PLCE1: variants seen among roughly 807,000 people sequenced by gnomAD.
PLCE1 encodes 1-phosphatidylinositol 4,5-bisphosphate phosphodiesterase epsilon-1.
A neutral mutation model predicts 242.8 loss-of-function variants in PLCE1; 119 were observed. The ratio of observed to expected loss-of-function variants is 0.49; its 90% CI spans 0.42 to 0.57. PLCE1 has a LOEUF of 0.57. Among genes scored for constraint, PLCE1 ranks in the 20% least tolerant of loss-of-function variants. PLCE1 has a pLI of 0.00. For missense variants in PLCE1, 2,441 were observed against 2,788.8 expected (o/e 0.88, Z 2.81); for synonymous variants, 945 against 1,017.4 (o/e 0.93, Z 1.35).
At chr10:94,246,865 A>G (rs1197690591) in intron 8 of PLCE1, among the ~76,000 whole-genome samples, 2 of 152,070 alleles carry the variant, frequency 1.3e-5, no homozygotes, top group Admixed American at 1.3e-4. Context: ...TAATCCCAGC[A>G]CTCTGGGAGG....
intron 1 of PLCE1, among the ~76,000 whole-genome samples, chr10:93,996,158 C>T (rs1222282724): frequency 3.3e-5 from 5 of 152,096 alleles, no homozygotes; most frequent in Admixed American, 3.3e-4. Context: ...TTCCACACAC[C>T]TGGCTGACAG....
chr10:94,304,976 C>T (rs1228082265), intron 25 of PLCE1, among the ~76,000 whole-genome samples: 3 of 152,114 alleles, frequency 2.0e-5, no homozygotes, highest in Non-Finnish European at 4.4e-5. Context: ...GTTAGATCAG[C>T]TCATGTTAGG....
rs147628567 is a variant in PLCE1 at position 94,229,871 on chromosome 10, C to T, written c.1955+2420C>T. ...AAACTGATCTTTACAGATAGATAGG[C>T]GAAAGTACCACGTATAATAGGTCTT... On this transcript the variant is annotated intron_variant, in intron 5 of 32. Coordinates refer to ENST00000371380, the MANE Select transcript of PLCE1 (RefSeq NM_016341.4). 2.6e-4 allele frequency among the ~76,000 whole-genome samples: 39 copies of T among 152,216 alleles called. No individual in the cohort carries two copies. In the East Asian group the frequency reaches 6.4e-3, roughly 25 times the overall value.
chr10:94,002,373 TC>T (rs1262774275), intron 1 of PLCE1, among the ~76,000 whole-genome samples: 1 of 152,128 alleles, frequency 6.6e-6, no homozygotes, highest in Non-Finnish European at 1.5e-5. Context: ...TGGAGGGCGT[TC>T]CTGTTGCAGG....
chr10:94,142,909 C>T (rs183620084), intron 3 of PLCE1, among the ~76,000 whole-genome samples: 149 of 152,260 alleles, frequency 9.8e-4, no homozygotes, highest in Non-Finnish European at 1.7e-3. Context: ...AATCATTTGA[C>T]CAATATTTGT....
intron 2 of PLCE1, 50 bp downstream of exon 2, chr10:94,032,302 T>C (rs879198403): frequency 1.3e-6 from 2 of 1,570,874 alleles, no homozygotes; most frequent in Middle Eastern, 1.7e-4. Flanking sequence ...GCTTTTTTTT[T>C]CAAAAAAAAG....
chr10:94,003,197 G>A (rs2060965197), intron 1 of PLCE1, among the ~76,000 whole-genome samples: 2 of 152,262 alleles, frequency 1.3e-5, no homozygotes, highest in East Asian at 1.9e-4. Context: ...ATAATAGACT[G>A]TTTTATTTTA....
At chr10:94,058,571 G>T (rs1487367524) in intron 2 of PLCE1, among the ~76,000 whole-genome samples, 1 of 152,146 alleles carries the variant, frequency 6.6e-6, no homozygotes, top group African/African-American at 2.4e-5. Flanking sequence ...TGTGGGCAAT[G>T]CTGACTTATG....
chr10:94,213,323 A>G lies in PLCE1; in HGVS notation c.1810-13983A>G, dbSNP rs75332551. Among the ~76,000 whole-genome samples, 32 of 152,326 alleles carry G rather than the reference A, an allele frequency of 2.1e-4. No individual in the cohort carries two copies. The East Asian group carries it at 5.6e-3, about 27-fold the overall frequency. ...TTCAAAAAGCAAGAAAGATGATGAAACAGCCAATGTCATGTGATGTGGTTT... is the reference window on the plus strand; with the variant it reads ...TTCAAAAAGCAAGAAAGATGATGAAGCAGCCAATGTCATGTGATGTGGTTT... On this transcript the variant is annotated intron_variant, in intron 4 of 32. Transcript: ENST00000371380.
intron 2 of PLCE1, among the ~76,000 whole-genome samples, chr10:94,057,767 T>C (rs1278512895): frequency 6.6e-6 from 1 of 152,194 alleles, no homozygotes; most frequent in Non-Finnish European, 1.5e-5. Context: ...AAATCTGGCA[T>C]GGTGTGGCTG....
chr10:94,245,454 T>C (rs577174068), intron 7 of PLCE1, among the ~76,000 whole-genome samples: 1 of 152,312 alleles, frequency 6.6e-6, no homozygotes, highest in Admixed American at 6.5e-5. Flanking sequence ...TTGCTAAAGA[T>C]AAGAATACAG....
intron 7 of PLCE1, among the ~76,000 whole-genome samples, chr10:94,245,169 C>A (rs1017529290): frequency 1.3e-5 from 2 of 152,212 alleles, no homozygotes; most frequent in South Asian, 2.1e-4. Flanking sequence ...TAAAGTTAGA[C>A]CAAAATCTCA....
chr10:94,280,694 T>C (rs543723794), intron 20 of PLCE1: 1 of 152,332 alleles, frequency 6.6e-6, no homozygotes, highest in African/African-American at 2.4e-5. Context: ...CATTATATAG[T>C]AGAATATATT....
chr10:94,182,349 C>T (rs916725632), intron 4 of PLCE1, among the ~76,000 whole-genome samples: 6 of 152,054 alleles, frequency 3.9e-5, no homozygotes, highest in African/African-American at 1.4e-4. Flanking sequence ...TCACTACAAC[C>T]TCCGCCTCCC....
At chr10:94,003,083 A>G (rs1281735106) in intron 1 of PLCE1, among the ~76,000 whole-genome samples, 1 of 152,182 alleles carries the variant, frequency 6.6e-6, no homozygotes, top group East Asian at 1.9e-4. Flanking sequence ...TTAACTTTTT[A>G]GTAGATTCTC....
At chr10:94,155,333 A>C (rs1432217079) in intron 3 of PLCE1, among the ~76,000 whole-genome samples, 1 of 152,252 alleles carries the variant, frequency 6.6e-6, no homozygotes, top group Non-Finnish European at 1.5e-5. Flanking sequence ...ATATTACAAC[A>C]TTGATAAACC....
chr10:94,007,671 CCT>C (rs1442741878), intron 1 of PLCE1, among the ~76,000 whole-genome samples: 7 of 143,806 alleles, frequency 4.9e-5, no homozygotes, highest in African/African-American at 1.6e-4. Context: ...TTAAAAGCCC[CCT>C]GTTAGTCCCC....
intron 7 of PLCE1, among the ~76,000 whole-genome samples, chr10:94,239,420 G>A (rs1222061106): frequency 6.6e-6 from 1 of 152,186 alleles, no homozygotes; most frequent in Non-Finnish European, 1.5e-5. Flanking sequence ...GATGCAGCAA[G>A]GCTTCACCTT....
At chr10:94,012,557 C>G (rs546387567) in intron 1 of PLCE1, among the ~76,000 whole-genome samples, 1 of 152,086 alleles carries the variant, frequency 6.6e-6, no homozygotes, top group Non-Finnish European at 1.5e-5. Flanking sequence ...AGCTGTGCAT[C>G]AGGCAGTCTC....
Sources: allele counts gnomAD v4.1 joint callset (sites outside exome capture counted in the v4.1 genomes callset), GRCh38; gene constraint gnomAD v4.1.1; transcripts MANE v1.5; gene names NCBI Gene and HGNC (gene_info 2026-07-23, HGNC 2026-07-21).